FER: variants seen among roughly 807,000 people sequenced by gnomAD.
FER encodes FER tyrosine kinase.
FER carries 63 observed loss-of-function variants against 111.0 expected under a neutral mutation model. That is an observed-to-expected ratio of 0.57 (90% CI 0.46 to 0.70). The LOEUF is 0.70. Ranked by LOEUF, FER falls within the 30% of genes least tolerant of loss-of-function variation. The pLI, the probability that FER is intolerant of heterozygous loss-of-function variation, is 0.00. For missense variants in FER, 914 were observed against 954.0 expected, an observed-to-expected ratio of 0.96 and a Z score of 0.55; for synonymous variants, 327 against 313.9, an observed-to-expected ratio of 1.04 and a Z score of -0.44.
chr5:108,849,426 A>G (rs1477303803), intron 5 of FER, among the ~76,000 whole-genome samples: 6 of 151,520 alleles, frequency 4.0e-5, no homozygotes, highest in Non-Finnish European at 1.5e-5. Context: ...GCAATGCCTA[A>G]TTGCCTTTAA....
At position 109,187,274 on chromosome 5, in the gene FER, T is replaced by G. The variant is rs370015376; in HGVS notation, c.2327-159T>G. Among the ~76,000 whole-genome samples the G allele has an allele frequency of 9.2e-5, 14 of 152,290 alleles. 1 individual carries two copies. Among genetic ancestry groups the G allele is most frequent in the African/African-American group, 3.4e-4 (14 of 41,576 alleles). On this transcript the variant is annotated intron_variant, in intron 19 of 19. Coordinates refer to ENST00000281092, the MANE Select transcript of FER (RefSeq NM_005246.4). ...CTGTAATATTGAATTCTGCATCACC[T>G]GTAGAAAATAAAAACTCAGCCTCCC...
chr5:108,805,829 C>T (rs765452566), intron 3 of FER, among the ~76,000 whole-genome samples: 2 of 152,096 alleles, frequency 1.3e-5, no homozygotes, highest in African/African-American at 2.4e-5. Context: ...CATTCAGTTT[C>T]ATAAAGGAAG....
intron 13 of FER, among the ~76,000 whole-genome samples, chr5:108,987,486 T>G (rs1379897538): frequency 1.3e-5 from 2 of 152,156 alleles, no homozygotes; most frequent in African/African-American, 4.8e-5. Context: ...CAAAATCTTG[T>G]AGAGGTCTTT....
At chr5:109,017,284 T>C (rs909537277) in intron 13 of FER, among the ~76,000 whole-genome samples, 2 of 152,040 alleles carry the variant, frequency 1.3e-5, no homozygotes, top group Non-Finnish European at 2.9e-5. Flanking sequence ...AGATATGTTA[T>C]ATATTTTGCA....
At chr5:108,801,730 TG>T (rs745368065) in intron 3 of FER, among the ~76,000 whole-genome samples, 7 of 152,340 alleles carry the variant, frequency 4.6e-5, no homozygotes, top group Middle Eastern at 3.4e-3. Context: ...ACTCAGCATA[TG>T]TTTTTTTTCT....
chr5:108,838,508 T>C (rs1418137551), intron 5 of FER, among the ~76,000 whole-genome samples: 1 of 152,190 alleles, frequency 6.6e-6, no homozygotes, highest in Non-Finnish European at 1.5e-5. Context: ...GGGTTTGGAC[T>C]CAAGGGTTCA....
At chr5:109,010,482 G>C (rs1484962364) in intron 13 of FER, among the ~76,000 whole-genome samples, 1 of 151,896 alleles carries the variant, frequency 6.6e-6, no homozygotes, top group Non-Finnish European at 1.5e-5. Flanking sequence ...TAAATGTTTT[G>C]TGTTCCTGTT....
intron 17 of FER, among the ~76,000 whole-genome samples, chr5:109,180,094 T>C (rs1000149291): frequency 3.9e-5 from 6 of 152,102 alleles, no homozygotes; most frequent in Admixed American, 2.0e-4. Context: ...CGTCCTGCAT[T>C]TGGGGACAAA....
intron 2 of FER, among the ~76,000 whole-genome samples, chr5:108,793,791 G>A (rs1025464564): frequency 7.6e-5 from 9 of 117,648 alleles, no homozygotes; most frequent in African/African-American, 4.2e-4. Flanking sequence ...TGTATTCATT[G>A]TATGTTTTTT....
At chr5:108,873,342 G>C (rs1253005264) in intron 8 of FER, among the ~76,000 whole-genome samples, 1 of 151,848 alleles carries the variant, frequency 6.6e-6, no homozygotes, top group African/African-American at 2.4e-5. Flanking sequence ...ATGGGGTTTT[G>C]CCCTGCTGGC....
At position 109,124,774 on chromosome 5, in the gene FER, C is replaced by T. The variant is rs1159258973; in HGVS notation, c.2048+24255C>T. Among the ~76,000 whole-genome samples the T allele has an allele frequency of 5.3e-5, 8 of 152,078 alleles. No homozygotes were observed. In the East Asian group the frequency reaches 9.7e-4, roughly 18 times the overall value. ...TTTAAGATAGAAGTTGGGCCGGGCG[C>T]GGTGGCTCACGCCTGTAATCCCAGC... On this transcript the variant is annotated intron_variant, in intron 17 of 19. Coordinates refer to ENST00000281092, the MANE Select transcript of FER (RefSeq NM_005246.4).
At chr5:108,798,075 C>T (rs1386141764) in intron 2 of FER, 49 bp from the exon 3 acceptor site, 28 of 578,984 alleles carry the variant, frequency 4.8e-5, no homozygotes, top group South Asian at 2.6e-4. Context: ...TTTTTGAAGA[C>T]TAATTTCCTT....
At chr5:108,757,864 G>T (rs547739139) in intron 1 of FER, among the ~76,000 whole-genome samples, 1 of 152,128 alleles carries the variant, frequency 6.6e-6, no homozygotes, top group African/African-American at 2.4e-5. Flanking sequence ...AACAAATATA[G>T]GAGCTAGACC....
chr5:108,894,273 G>T (rs1748686761), intron 9 of FER: 2 of 482,016 alleles, frequency 4.1e-6, no homozygotes, highest in South Asian at 4.9e-5. Context: ...TTCAAGTATT[G>T]GGCATTAGGG....
At chr5:108,874,616 C>T (rs945631903) in intron 8 of FER, among the ~76,000 whole-genome samples, 1 of 150,366 alleles carries the variant, frequency 6.7e-6, no homozygotes, top group African/African-American at 2.4e-5. Context: ...AATCTTTCTT[C>T]CTTTTTTTTT....
chr5:108,963,532 A>C (rs1318370249), intron 13 of FER, among the ~76,000 whole-genome samples: 1 of 152,226 alleles, frequency 6.6e-6, no homozygotes, highest in East Asian at 1.9e-4. Flanking sequence ...ACTGCACTCC[A>C]GCCTGGGCAA....
Position 109,180,818 on chromosome 5 carries a change from G to C in FER, c.2120G>C (p.Arg707Pro), listed in dbSNP as rs151332661. Residue 707 changes from arginine (R) to proline (P), a missense_variant, in exon 18 of 20, where the codon CGT (arginine) becomes CCT (proline). Arg to Pro is a moderately radical substitution (Grantham distance 103). Around this residue, in one of 3 missense-constraint regions of FER, gnomAD observed 134 missense variants for 149.4 expected, o/e 0.90. Transcript: ENST00000281092. ...AAAATCAGTGACTTTGGAATGTCTC[G>C]TCAAGAGGATGGTGGAGTGTATTCA... is the stretch of plus-strand genomic sequence containing the variant. Reference protein sequence around the residue: ...VLKISDFGMSRQEDGGVYSSS... With the variant: ...VLKISDFGMSPQEDGGVYSSS... The C allele has an allele frequency of 6.2e-7, 1 of 1,613,594 alleles. No homozygotes were observed. The highest frequency in any genetic ancestry group is 8.5e-7 in the Non-Finnish European group (1 of 1,179,710).
rs1411456234 is a variant in FER at position 108,953,361 on chromosome 5, A to G, written c.1330-1368A>G. 3.9e-5 allele frequency among the ~76,000 whole-genome samples: 6 copies of G among 151,994 alleles called. No individual in the cohort carries two copies. The South Asian group carries it at 1.2e-3, about 31-fold the overall frequency. On this transcript the variant is annotated intron_variant, in intron 11 of 19. Transcript: ENST00000281092. ...TACAATATTATTTGTCATAGTTTGC[A>G]TGAAAATTAAAAGACTTAGTTTACC...
At chr5:109,101,359 T>C (rs1344917861) in intron 17 of FER, among the ~76,000 whole-genome samples, 1 of 152,044 alleles carries the variant, frequency 6.6e-6, no homozygotes, top group Non-Finnish European at 1.5e-5. Flanking sequence ...CTGGTTTTGT[T>C]ACTGAAGTAT....
Sources: gnomAD v4.1 joint callset for allele counts (sites outside exome capture counted in the v4.1 genomes callset) on GRCh38, gnomAD v4.1.1 for gene constraint, gnomAD v4.1.1 regional missense constraint, MANE v1.5 for transcripts, NCBI Gene and HGNC (gene_info 2026-07-23, HGNC 2026-07-21) for gene names.